Variants in CAMKMT observed in about 807,000 individuals in gnomAD.
The protein encoded by CAMKMT is CaM KMT.
CAMKMT carries 53 observed loss-of-function variants against 48.0 expected under a neutral mutation model. That is an observed-to-expected ratio of 1.10 (90% confidence interval 0.89 to 1.39). The LOEUF (loss-of-function observed/expected upper bound fraction) is 1.39. CAMKMT is among the 40% of genes most tolerant of loss of function. The pLI is 0.00. For missense variants in CAMKMT, 428 were observed against 402.7 expected (o/e 1.06, Z -0.54); for synonymous variants, 165 against 152.3 (o/e 1.08, Z -0.61).
chr2:44,384,662 A>C (rs1305837718), intron 2 of CAMKMT, among the ~76,000 whole-genome samples: 1 of 151,984 alleles, frequency 6.6e-6, no homozygotes, highest in African/African-American at 2.4e-5. Context: ...GATTTTTTAT[A>C]AGGTGATATG....
At position 44,610,763 on chromosome 2, in the gene CAMKMT, C is replaced by G. The variant is rs375541371; in HGVS notation, c.377-93520C>G. 1.5e-4 allele frequency among the ~76,000 whole-genome samples: 23 copies of G among 152,278 alleles called. No homozygotes were observed. The East Asian group carries it at 2.3e-3, about 15-fold the overall frequency. ...AATTGATGAAACATATAGAACTCTT[C>G]TCCTGAAAAATACTTATATTTACAT... is the stretch of plus-strand genomic sequence containing the variant. On this transcript the variant is annotated intron_variant, in intron 3 of 10. Coordinates refer to ENST00000378494, the MANE Select transcript of CAMKMT (RefSeq NM_024766.5).
At chr2:44,624,572 G>C (rs1173559556) in intron 3 of CAMKMT, among the ~76,000 whole-genome samples, 1 of 152,048 alleles carries the variant, frequency 6.6e-6, no homozygotes, top group East Asian at 1.9e-4. Context: ...GTGAGAACAT[G>C]CGGTGTTTGG....
intron 3 of CAMKMT, chr2:44,457,095 T>C (rs1667602392): frequency 6.6e-6 from 1 of 152,286 alleles, no homozygotes; most frequent in African/African-American, 2.4e-5. Flanking sequence ...AAGTTCAAAA[T>C]GGCCTCAAGA....
intron 3 of CAMKMT, among the ~76,000 whole-genome samples, chr2:44,669,209 G>A (rs4953129): frequency 0.74 from 112,042 of 152,164 alleles, 41,409 homozygotes; most frequent in East Asian, 0.9. Flanking sequence ...ATATTCTTCT[G>A]TGAATTGCTT....
At chr2:44,454,296 A>G (rs1667446149) in intron 3 of CAMKMT, among the ~76,000 whole-genome samples, 2 of 152,142 alleles carry the variant, frequency 1.3e-5, no homozygotes, top group African/African-American at 4.8e-5. Flanking sequence ...TTCAGGTTCA[A>G]CGTTGTGCAT....
intron 2 of CAMKMT, among the ~76,000 whole-genome samples, chr2:44,388,261 C>T (rs111341327): frequency 1.6e-4 from 24 of 152,118 alleles, no homozygotes; most frequent in Admixed American, 7.9e-4. Context: ...TTCTTGAGCT[C>T]GGAATTTCTT....
chr2:44,435,314 G>A (rs935662453), intron 3 of CAMKMT, among the ~76,000 whole-genome samples: 1 of 152,042 alleles, frequency 6.6e-6, no homozygotes, highest in Non-Finnish European at 1.5e-5. Context: ...TCAGATCATT[G>A]TGGATTATTT....
At chr2:44,395,218 A>G (rs1681720162) in intron 3 of CAMKMT, among the ~76,000 whole-genome samples, 1 of 152,174 alleles carries the variant, frequency 6.6e-6, no homozygotes, top group African/African-American at 2.4e-5. Context: ...GGATTTTAAA[A>G]TGCTATTCTT....
At chr2:44,713,670 A>G (rs1049828391) in intron 6 of CAMKMT, among the ~76,000 whole-genome samples, 2 of 152,160 alleles carry the variant, frequency 1.3e-5, no homozygotes, top group Non-Finnish European at 2.9e-5. Flanking sequence ...GCATTATAGC[A>G]CTTTTGTAAA....
intron 3 of CAMKMT, among the ~76,000 whole-genome samples, chr2:44,513,221 T>G (rs1670656055): frequency 6.6e-6 from 1 of 151,542 alleles, no homozygotes; most frequent in African/African-American, 2.4e-5. Context: ...GGCCCCTTCC[T>G]GCACCCACCC....
intron 3 of CAMKMT, among the ~76,000 whole-genome samples, chr2:44,694,663 C>T (rs1676841838): frequency 6.6e-6 from 1 of 152,202 alleles, no homozygotes; most frequent in East Asian, 1.9e-4. Flanking sequence ...AGTTTTCCAC[C>T]TCACTCTTGC....
intron 3 of CAMKMT, among the ~76,000 whole-genome samples, chr2:44,469,867 T>C (rs2104646990): frequency 6.6e-6 from 1 of 152,102 alleles, no homozygotes; most frequent in South Asian, 2.1e-4. Context: ...GTTTTCATTT[T>C]TGAAAAAAAT....
chr2:44,743,612 TCTC>T lies in CAMKMT; in HGVS notation c.624-6_624-4del. 1 of 1,598,988 alleles carries T rather than the reference TCTC, an allele frequency of 6.3e-7. No individual in the cohort carries two copies. Among genetic ancestry groups the T allele is most frequent in the Non-Finnish European group, 8.5e-7 (1 of 1,173,660 alleles). ...CTATGTATAATTTTTAAAATCTTTT[TCTC>T]CTCAAGCGTTTTACGATGGGATAAT... On this transcript the variant is annotated splice_polypyrimidine_tract_variant and splice_region_variant and intron_variant, in intron 7 of 10. Coordinates refer to ENST00000378494, the MANE Select transcript of CAMKMT (RefSeq NM_024766.5).
At position 44,378,956 on chromosome 2, in the gene CAMKMT, T is replaced by C. The variant is rs146175668; in HGVS notation, c.311+6068T>C. Among the ~76,000 whole-genome samples, 724 of 152,328 alleles carry C rather than the reference T, an allele frequency of 4.8e-3. 14 individuals carry two copies. In the East Asian group the frequency reaches 0.049, roughly 10 times the overall value. The stretch of plus-strand genomic sequence containing the variant: ...ATTTGCTATTTTAATCACTTTAAAG[T>C]ATGCAATTCAGTGGTTTTAAGTATA... On this transcript the variant is annotated intron_variant, in intron 2 of 10. Coordinates refer to ENST00000378494, the MANE Select transcript of CAMKMT (RefSeq NM_024766.5).
intron 1 of CAMKMT, among the ~76,000 whole-genome samples, chr2:44,367,530 A>G (rs1478257689): frequency 6.6e-6 from 1 of 152,200 alleles, no homozygotes; most frequent in Non-Finnish European, 1.5e-5. Context: ...CCTTCTCTTT[A>G]TGTTTTGCAA....
chr2:44,423,891 A>G (rs914285784), intron 3 of CAMKMT, among the ~76,000 whole-genome samples: 13 of 152,128 alleles, frequency 8.5e-5, no homozygotes, highest in African/African-American at 3.1e-4. Context: ...ATTTCTTTAA[A>G]AATATGTTTA....
chr2:44,398,059 G>A (rs909136173), intron 3 of CAMKMT, among the ~76,000 whole-genome samples: 27 of 152,088 alleles, frequency 1.8e-4, no homozygotes, highest in Non-Finnish European at 3.4e-4. Flanking sequence ...TCCTTTGTCT[G>A]TCTTTTAAAT....
At chr2:44,659,462 G>T (rs1674560716) in intron 3 of CAMKMT, among the ~76,000 whole-genome samples, 2 of 151,568 alleles carry the variant, frequency 1.3e-5, no homozygotes, top group South Asian at 4.2e-4. Context: ...GAGTTCAGTG[G>T]GTCATGCCTA....
At chr2:44,693,044 G>A (rs760777693) in intron 3 of CAMKMT, among the ~76,000 whole-genome samples, 45 of 152,214 alleles carry the variant, frequency 3.0e-4, no homozygotes, top group Non-Finnish European at 5.7e-4. Context: ...TAATTAACTA[G>A]TAAGTCTTGT....
Sources: gnomAD v4.1 joint callset for allele counts (sites outside exome capture counted in the v4.1 genomes callset) on GRCh38, gnomAD v4.1.1 for gene constraint, MANE v1.5 for transcripts, NCBI Gene and HGNC (gene_info 2026-07-23, HGNC 2026-07-21) for gene names.